Variants in ANK1 observed in about 807,000 individuals in gnomAD.
The protein encoded by ANK1 is ankyrin 1.
In ANK1, 51 loss-of-function variants were observed where a neutral mutation model predicts 210.4. The ratio of observed to expected loss-of-function variants is 0.24; its 90% CI spans 0.19 to 0.31. ANK1 has a LOEUF of 0.31. Among genes scored for constraint, ANK1 ranks in the 10% least tolerant of loss-of-function variants. ANK1 has a pLI of 1.00. For synonymous variants in ANK1, 967 were observed against 1,025.9 expected (o/e 0.94, Z 1.10); for missense variants, 2,051 against 2,504.4 (o/e 0.82, Z 3.86).
intron 1 of ANK1, among the ~76,000 whole-genome samples, chr8:41,812,323 A>G (rs1802617018): frequency 6.6e-6 from 1 of 152,194 alleles, no homozygotes; most frequent in South Asian, 2.1e-4. Context: ...TATATATGGG[A>G]GTCCCACAAA....
intron 1 of ANK1, among the ~76,000 whole-genome samples, chr8:41,831,947 T>C (rs950607207): frequency 6.6e-6 from 1 of 152,150 alleles, no homozygotes; most frequent in African/African-American, 2.4e-5. Flanking sequence ...TGATCCCATT[T>C]AGGAGACAAT....
chr8:41,714,950 C>T (rs1439010971), intron 15 of ANK1, 26 bp downstream of exon 15: 9 of 1,610,350 alleles, frequency 5.6e-6, no homozygotes, highest in Non-Finnish European at 7.6e-6. Context: ...CTGAGAGCTG[C>T]AGGGGAGGGC....
At chr8:41,748,784 C>G (rs908363480) in intron 2 of ANK1, among the ~76,000 whole-genome samples, 3 of 152,188 alleles carry the variant, frequency 2.0e-5, no homozygotes, top group Non-Finnish European at 4.4e-5. Flanking sequence ...GCCTGTAATC[C>G]CAGCACTTTG....
chr8:41,713,251 G>A (rs1487746463), intron 16 of ANK1, among the ~76,000 whole-genome samples: 3 of 152,174 alleles, frequency 2.0e-5, no homozygotes, highest in African/African-American at 2.4e-5. Context: ...CATAGAGTGC[G>A]GGTACTGCGT....
In ANK1 at chr8:41,727,297, C is replaced by T. The variant is rs1722165536; in HGVS notation, c.379G>A (p.Val127Ile). 2 of 1,614,078 alleles carry T rather than the reference C, an allele frequency of 1.2e-6. No homozygotes were observed. Among genetic ancestry groups the T allele is most frequent in the African/African-American group, 1.3e-5 (1 of 74,930 alleles). The change falls in exon 5 of 43, where the codon GTT (valine) becomes ATT (isoleucine). Residue 127 changes from valine (V) to isoleucine (I), a missense_variant. Around this residue, in one of 6 missense-constraint regions of ANK1, gnomAD observed 10 missense variants for 36.2 expected, o/e 0.28. Transcript: ENST00000289734. ...GCTCCATTTTCCAGTAAAAACTTAA[C>T]CACTTCCAAGTGGTTCTCTTGTGCT... is the stretch of plus-strand genomic sequence containing the variant. ...MAAQENHLEV[V>I]KFLLENGANQ... is the part of the protein sequence containing the mutation.
chr8:41,844,206 C>A (rs551629651), intron 1 of ANK1, among the ~76,000 whole-genome samples: 29 of 152,272 alleles, frequency 1.9e-4, no homozygotes, highest in African/African-American at 7.0e-4. Flanking sequence ...GCATCTGTGC[C>A]CTGCCCTGGT....
At chr8:41,747,318 G>A (rs1031105972) in intron 2 of ANK1, among the ~76,000 whole-genome samples, 8 of 152,010 alleles carry the variant, frequency 5.3e-5, no homozygotes, top group Non-Finnish European at 1.2e-4. Flanking sequence ...CAAGCAGAGA[G>A]GCAAATCTTC....
chr8:41,779,010 T>C (rs560863396), intron 1 of ANK1, among the ~76,000 whole-genome samples: 26 of 152,228 alleles, frequency 1.7e-4, no homozygotes, highest in Middle Eastern at 3.4e-3. Flanking sequence ...GGAGTGGGGA[T>C]GGAGAGGGCT....
chr8:41,880,627 C>T (rs1817418661), intron 1 of ANK1, among the ~76,000 whole-genome samples: 1 of 152,216 alleles, frequency 6.6e-6, no homozygotes, highest in Non-Finnish European at 1.5e-5. Context: ...TGGGCATCCA[C>T]CAAACCCCGC....
intron 2 of ANK1, among the ~76,000 whole-genome samples, chr8:41,753,238 A>C (rs1468986461): frequency 2.6e-5 from 4 of 151,766 alleles, no homozygotes; most frequent in Non-Finnish European, 5.9e-5. Flanking sequence ...CTAATTTTTT[A>C]TTTTAGTGGA....
intron 1 of ANK1, among the ~76,000 whole-genome samples, chr8:41,884,305 G>A (rs1818084041): frequency 1.3e-5 from 2 of 152,148 alleles, no homozygotes; most frequent in South Asian, 2.1e-4. Context: ...CCAAGAACAC[G>A]CCATTGCACT....
At chr8:41,702,463 G>A (rs1189021460) in intron 20 of ANK1, among the ~76,000 whole-genome samples, 1 of 152,194 alleles carries the variant, frequency 6.6e-6, no homozygotes, top group East Asian at 1.9e-4. Context: ...GGAACCCACT[G>A]GGAAGGAGGT....
intron 37 of ANK1, among the ~76,000 whole-genome samples, chr8:41,674,676 C>A (rs1016913554): frequency 4.6e-5 from 7 of 152,202 alleles, no homozygotes; most frequent in Non-Finnish European, 8.8e-5. Flanking sequence ...GTGTACTCCG[C>A]ATGCATTCTC....
intron 1 of ANK1, among the ~76,000 whole-genome samples, chr8:41,769,583 C>A (rs1842592753): frequency 6.6e-6 from 1 of 152,148 alleles, no homozygotes; most frequent in Non-Finnish European, 1.5e-5. Flanking sequence ...AATTGACTTG[C>A]ACAATGAACT....
At chr8:41,661,363 T>G (rs1585797159) in intron 42 of ANK1, 67 bp downstream of exon 42, 1 of 1,592,892 alleles carries the variant, frequency 6.3e-7, no homozygotes. Flanking sequence ...GGGGATAGGG[T>G]GAGACAGGGA....
chr8:41,782,660 A>T (rs1212470782), intron 1 of ANK1, among the ~76,000 whole-genome samples: 1 of 152,176 alleles, frequency 6.6e-6, no homozygotes, highest in East Asian at 1.9e-4. Context: ...CGCTGAATTG[A>T]ATTCTAAGCA....
intron 1 of ANK1, among the ~76,000 whole-genome samples, chr8:41,781,652 C>T (rs1003517402): frequency 5.9e-5 from 9 of 152,220 alleles, no homozygotes; most frequent in South Asian, 2.1e-4. Context: ...TGGCCTGGGA[C>T]GGACCATTCC....
intron 1 of ANK1, among the ~76,000 whole-genome samples, chr8:41,784,182 G>C (rs568114575): frequency 6.6e-6 from 1 of 152,186 alleles, no homozygotes; most frequent in East Asian, 1.9e-4. Context: ...CTTAGGGAAA[G>C]GATGGTTATT....
At position 41,714,262 on chromosome 8, in the gene ANK1, G is replaced by A; in HGVS notation, c.1702-8C>T. ...CAGGGGGGTCAGGCCATTCTGCAGG[G>A]GACAAAGACAAAAGAGGCCGGCTGT... On this transcript the variant is annotated splice_polypyrimidine_tract_variant and splice_region_variant and intron_variant, in intron 15 of 42. Transcript: ENST00000289734. The A allele has an allele frequency of 6.4e-7, 1 of 1,552,380 alleles. No homozygotes were observed. Among genetic ancestry groups the A allele is most frequent in the Non-Finnish European group, 8.8e-7 (1 of 1,141,914 alleles).
Sources: allele counts gnomAD v4.1 joint callset (sites outside exome capture counted in the v4.1 genomes callset), GRCh38; gene constraint gnomAD v4.1.1; regional missense constraint gnomAD v4.1.1; transcripts MANE v1.5; gene names NCBI Gene and HGNC (gene_info 2026-07-23, HGNC 2026-07-21).